Variants in SYNRG observed in about 807,000 individuals in gnomAD.
SYNRG encodes synergin gamma.
SYNRG carries 37 observed loss-of-function variants against 130.9 expected under a neutral mutation model. That is an observed-to-expected ratio of 0.28 (90% CI 0.22 to 0.37). The LOEUF (loss-of-function observed/expected upper bound fraction) is 0.37. SYNRG is among the 10% of genes least tolerant of loss of function. SYNRG has a pLI of 1.00. For synonymous variants in SYNRG, 539 were observed against 568.1 expected (o/e 0.95, Z 0.73); for missense variants, 1,338 against 1,588.9 (o/e 0.84, Z 2.68).
chr17:37,528,093 TAC>T (rs1036869011), intron 19 of SYNRG, among the ~76,000 whole-genome samples: 74 of 152,328 alleles, frequency 4.9e-4, no homozygotes, highest in African/African-American at 1.6e-3. Flanking sequence ...TCTGAAATGA[TAC>T]AGATTCAAAT....
intron 14 of SYNRG, among the ~76,000 whole-genome samples, chr17:37,548,951 A>G (rs1407001687): frequency 1.3e-5 from 2 of 151,898 alleles, no homozygotes; most frequent in African/African-American, 4.8e-5. Flanking sequence ...CCTGACCAAC[A>G]TGGAGAAACC....
In SYNRG at chr17:37,570,936, T is replaced by A. The variant is rs750398765; in HGVS notation, c.1099-51A>T. On this transcript the variant is annotated intron_variant, in intron 9 of 21. Transcript: ENST00000612223. ...TTAGAGGATTGTAAACCACATACGG[T>A]CGAAATCTGGCAGAGACCGAAAGGT... 73 of 1,555,220 alleles carry A rather than the reference T, an allele frequency of 4.7e-5. 1 individual carries two copies. In the South Asian group the frequency reaches 8.6e-4, roughly 18 times the overall value.
intron 14 of SYNRG, among the ~76,000 whole-genome samples, chr17:37,550,071 T>C (rs972842368): frequency 1.5e-4 from 23 of 152,218 alleles, no homozygotes; most frequent in African/African-American, 5.5e-4. Context: ...CATAACTAGA[T>C]AGTTATAGTT....
At chr17:37,566,483 G>A (rs1310504794) in intron 11 of SYNRG, among the ~76,000 whole-genome samples, 2 of 146,210 alleles carry the variant, frequency 1.4e-5, no homozygotes, top group African/African-American at 2.6e-5. Flanking sequence ...AAGTACCCAG[G>A]GACACAAACA....
Position 37,519,211 on chromosome 17 carries a change from T to C in SYNRG, c.3814-140A>G, listed in dbSNP as rs2054678944. ...GGCACACACATAAAAGCTGAGCGGATAGCTACAGGAATTCAAGAGAGAAGG... is the reference window on the plus strand; with the variant it reads ...GGCACACACATAAAAGCTGAGCGGACAGCTACAGGAATTCAAGAGAGAAGG... On this transcript the variant is annotated intron_variant, in intron 21 of 21. Transcript: ENST00000612223. 5.4e-6 allele frequency: 6 copies of C among 1,117,298 alleles called. 1 individual carries two copies. Among genetic ancestry groups the C allele is most frequent in the South Asian group, 4.7e-5 (3 of 64,108 alleles). 69.2% of individuals were successfully genotyped at this position (1,117,298 alleles called of 1,614,324 possible). A position where few individuals can be genotyped will look rare whatever the true frequency, so the allele number is the denominator to read the frequency against.
intron 6 of SYNRG, among the ~76,000 whole-genome samples, chr17:37,581,572 C>T (rs747733392): frequency 3.3e-5 from 5 of 151,806 alleles, no homozygotes; most frequent in Non-Finnish European, 5.9e-5. Context: ...GCCACCACGC[C>T]TTACCTTGTT....
chr17:37,526,200 C>T (rs546742587), intron 19 of SYNRG, among the ~76,000 whole-genome samples: 9 of 152,252 alleles, frequency 5.9e-5, no homozygotes, highest in East Asian at 5.8e-4. Flanking sequence ...TCTCATGTTT[C>T]CTTGACACTC....
At chr17:37,562,730 A>G (rs1012058678) in intron 11 of SYNRG, among the ~76,000 whole-genome samples, 2 of 152,218 alleles carry the variant, frequency 1.3e-5, no homozygotes, top group Admixed American at 6.5e-5. Context: ...GACAAATGAA[A>G]TAAGTCATCA....
chr17:37,520,678 A>C (rs1475877833), intron 19 of SYNRG, 30 bp from the exon 20 acceptor site: 1 of 1,557,456 alleles, frequency 6.4e-7, no homozygotes, highest in African/African-American at 1.4e-5. Context: ...AATGGGTAAG[A>C]AGTCCACAAG....
chr17:37,579,096 C>G (rs988247918), intron 6 of SYNRG: 10 of 1,117,102 alleles, frequency 9.0e-6, no homozygotes, highest in Admixed American at 4.8e-5. Flanking sequence ...CCCAGGATAT[C>G]TTAAGAATAT....
chr17:37,561,427 T>C (rs764027149), intron 12 of SYNRG, 44 bp downstream of exon 12: 8 of 1,526,020 alleles, frequency 5.2e-6, no homozygotes, highest in Non-Finnish European at 7.3e-6. Context: ...TTAAATAGTA[T>C]GCAATTTAGC....
intron 19 of SYNRG, among the ~76,000 whole-genome samples, chr17:37,535,100 T>C (rs1020640140): frequency 1.3e-5 from 2 of 152,184 alleles, no homozygotes; most frequent in African/African-American, 4.8e-5. Context: ...TACAAGCTTA[T>C]ATATATGTAT....
intron 9 of SYNRG, 47 bp from the exon 10 acceptor site, chr17:37,570,932 A>T (rs752831394): frequency 1.9e-5 from 30 of 1,564,658 alleles, no homozygotes; most frequent in Admixed American, 5.7e-5. Flanking sequence ...TAAACCACAT[A>T]CGGTCGAAAT....
chr17:37,571,768 C>T (rs2060451330), intron 9 of SYNRG, 23 bp downstream of exon 9: 4 of 1,573,572 alleles, frequency 2.5e-6, no homozygotes, highest in Non-Finnish European at 3.5e-6. Flanking sequence ...GTTATTTGAT[C>T]TAACTTAAGA....
chr17:37,592,346 G>C (rs949937778), intron 3 of SYNRG, among the ~76,000 whole-genome samples: 2 of 152,162 alleles, frequency 1.3e-5, no homozygotes, highest in African/African-American at 4.8e-5. Context: ...TTGCCGGTGG[G>C]AATGTAAAAT....
intron 3 of SYNRG, among the ~76,000 whole-genome samples, chr17:37,596,009 C>G (rs2062738883): frequency 6.6e-6 from 1 of 152,218 alleles, no homozygotes; most frequent in Non-Finnish European, 1.5e-5. Flanking sequence ...CCCGCCTTGG[C>G]CTCCCAAAGT....
chr17:37,541,652 G>A (rs1328613765), intron 15 of SYNRG: 8 of 356,478 alleles, frequency 2.2e-5, no homozygotes, highest in Non-Finnish European at 3.0e-5. Context: ...GAACATGAGC[G>A]GAGCTAATGT....
intron 19 of SYNRG, among the ~76,000 whole-genome samples, chr17:37,528,764 T>C (rs116879014): frequency 5.3e-5 from 8 of 152,356 alleles, no homozygotes; most frequent in Non-Finnish European, 1.2e-4. Flanking sequence ...GGCTTCTTCA[T>C]GACAAGTAAC....
rs746933031 is a variant in SYNRG, at chr17:37,540,513, T to C, written c.3233A>G (p.Asp1078Gly). The change falls in exon 16 of 22, where the codon GAT becomes GGT. Residue 1078 changes from aspartate (D) to glycine (G), a missense_variant. Transcript: ENST00000612223. ...GSHKRSLSLGDKEISRSSPSP... is the reference protein window; with the variant it reads ...GSHKRSLSLGGKEISRSSPSP... ...AGGAGAAGAACGGCTTATTTCTTTA[T>C]CACCAAGGCTCAAACTCCTCTTGTG... The C allele has an allele frequency of 6.2e-7, 1 of 1,614,048 alleles. No individual in the cohort carries two copies. The highest frequency in any genetic ancestry group is 8.5e-7 in the Non-Finnish European group (1 of 1,180,008).
Sources: allele counts gnomAD v4.1 joint callset (sites outside exome capture counted in the v4.1 genomes callset), GRCh38; gene constraint gnomAD v4.1.1; transcripts MANE v1.5; gene names NCBI Gene and HGNC (gene_info 2026-07-23, HGNC 2026-07-21).